Variants in SLC22A3 observed in about 807,000 individuals in gnomAD.
SLC22A3 encodes solute carrier family 22 member 3.
Under a neutral mutation model 59.1 loss-of-function variants are expected in SLC22A3, and 51 were observed. That is an observed-to-expected ratio of 0.86 (90% CI 0.69 to 1.09). The LOEUF is 1.09. Among genes scored for constraint, SLC22A3 ranks in the 50% least tolerant of loss-of-function variants. SLC22A3 has a pLI of 0.00. For missense variants in SLC22A3, 711 were observed against 726.3 expected (o/e 0.98, Z 0.24); for synonymous variants, 325 against 292.0 (o/e 1.11, Z -1.15).
chr6:160,396,751 AT>A (rs1020592686), intron 1 of SLC22A3, among the ~76,000 whole-genome samples: 5 of 152,048 alleles, frequency 3.3e-5, no homozygotes, highest in Admixed American at 6.6e-5. Context: ...ATTACATCTT[AT>A]TTTTTTATCA....
chr6:160,363,700 C>T (rs1367622381), intron 1 of SLC22A3, among the ~76,000 whole-genome samples: 1 of 152,196 alleles, frequency 6.6e-6, no homozygotes, highest in East Asian at 1.9e-4. Flanking sequence ...CAAGCGCCTG[C>T]ATGTCTTGCA....
intron 2 of SLC22A3, among the ~76,000 whole-genome samples, chr6:160,399,578 A>T (rs1471877862): frequency 6.6e-6 from 1 of 152,214 alleles, no homozygotes. Context: ...AAGAGGAGCC[A>T]TGAATAACTC....
At chr6:160,375,905 C>G (rs1282736214) in intron 1 of SLC22A3, among the ~76,000 whole-genome samples, 5 of 152,138 alleles carry the variant, frequency 3.3e-5, no homozygotes, top group African/African-American at 2.4e-5. Flanking sequence ...CTTGGAACCT[C>G]TGACTAGGTT....
chr6:160,374,863 T>C (rs1785532388), intron 1 of SLC22A3, among the ~76,000 whole-genome samples: 1 of 152,174 alleles, frequency 6.6e-6, no homozygotes, highest in African/African-American at 2.4e-5. Flanking sequence ...ATGATGTTTT[T>C]AAAAGAAATG....
intron 5 of SLC22A3, among the ~76,000 whole-genome samples, chr6:160,429,677 G>A (rs898334934): frequency 1.3e-5 from 2 of 152,156 alleles, no homozygotes; most frequent in Admixed American, 6.5e-5. Context: ...GACCAACGCT[G>A]CTGACTTGTG....
intron 1 of SLC22A3, among the ~76,000 whole-genome samples, chr6:160,362,594 ACT>A (rs1785051003): frequency 6.6e-6 from 1 of 151,340 alleles, no homozygotes; most frequent in African/African-American, 2.4e-5. Flanking sequence ...CATGCATTAG[ACT>A]CTCTGGGGAG....
rs532618805 is a variant in SLC22A3 at position 160,355,558 on chromosome 6, G to A, written c.429+6710G>A. Among the ~76,000 whole-genome samples, 10 of 151,506 alleles carry A rather than the reference G, an allele frequency of 6.6e-5. No homozygotes were observed. The South Asian group carries it at 1.0e-3, about 16-fold the overall frequency. On this transcript the variant is annotated intron_variant, in intron 1 of 10. Coordinates refer to ENST00000275300, the MANE Select transcript of SLC22A3 (RefSeq NM_021977.4). ...GGGCAGATCACGAGGTCAGGAGATC[G>A]AGACCATCCTGGCTAACACGGTGAA...
In SLC22A3 at chr6:160,400,594, G is replaced by A. The variant is rs546889357; in HGVS notation, c.533+2512G>A. ...CTAAAGGTCTATTTATAGCAGTTCC[G>A]TTTACCCAGTACACCATGTCCACCT... On this transcript the variant is annotated intron_variant, in intron 2 of 10. Coordinates refer to ENST00000275300, the MANE Select transcript of SLC22A3 (RefSeq NM_021977.4). Among the ~76,000 whole-genome samples the A allele has an allele frequency of 1.1e-4, 17 of 151,872 alleles. No individual in the cohort carries two copies. In the South Asian group the frequency reaches 1.7e-3, roughly 15 times the overall value.
intron 8 of SLC22A3, 48 bp downstream of exon 8, chr6:160,442,917 AGC>A: frequency 7.1e-7 from 1 of 1,411,812 alleles, no homozygotes; most frequent in African/African-American, 1.4e-5. Context: ...TCTGTAGACC[AGC>A]GTTTTAAGTT....
chr6:160,351,412 G>A (rs1413625943), intron 1 of SLC22A3, among the ~76,000 whole-genome samples: 1 of 152,182 alleles, frequency 6.6e-6, no homozygotes, highest in Non-Finnish European at 1.5e-5. Context: ...ACCGCGCCCA[G>A]CCTCTTTTTA....
intron 1 of SLC22A3, among the ~76,000 whole-genome samples, chr6:160,376,371 G>C (rs892286571): frequency 6.6e-6 from 1 of 152,070 alleles, no homozygotes; most frequent in Admixed American, 6.6e-5. Flanking sequence ...GGTGCGGAGA[G>C]GGGTGAGGGG....
intron 1 of SLC22A3, among the ~76,000 whole-genome samples, chr6:160,366,817 C>A (rs1785222464): frequency 6.6e-6 from 1 of 152,160 alleles, no homozygotes; most frequent in South Asian, 2.1e-4. Flanking sequence ...ACCTCCTCAG[C>A]CTGGATTCCA....
intron 3 of SLC22A3, 106 bp downstream of exon 3, chr6:160,407,301 A>G: frequency 8.6e-7 from 1 of 1,169,172 alleles, no homozygotes. Context: ...TTAACAAAGG[A>G]GGTTTCACTG....
At chr6:160,439,720 TTA>T in intron 7 of SLC22A3, among the ~76,000 whole-genome samples, 1 of 152,260 alleles carries the variant, frequency 6.6e-6, no homozygotes, top group African/African-American at 2.4e-5. Context: ...TGAATTGCTC[TTA>T]TTCTAGACAC....
intron 2 of SLC22A3, among the ~76,000 whole-genome samples, chr6:160,404,906 C>T (rs1337984693): frequency 6.8e-6 from 1 of 147,590 alleles, no homozygotes; most frequent in Non-Finnish European, 1.5e-5. Flanking sequence ...AGACCTTACA[C>T]CCTTTAAAAA....
rs543421928 is a variant in SLC22A3 at position 160,436,643 on chromosome 6, T to C, written c.976-137T>C. The C allele has an allele frequency of 1.1e-5, 7 of 653,730 alleles. No individual in the cohort carries two copies. In the African/African-American group the frequency reaches 1.3e-4, roughly 12 times the overall value. 40.5% of individuals were successfully genotyped at this position (653,730 alleles called of 1,614,324 possible). A position where few individuals can be genotyped will look rare whatever the true frequency, so the allele number is the denominator to read the frequency against. ...AAATGCAAGAGCAGAAGTGTTTTAATTGTCAGGTTTTAAGATATTATGAAA... is the reference window on the plus strand; with the variant it reads ...AAATGCAAGAGCAGAAGTGTTTTAACTGTCAGGTTTTAAGATATTATGAAA... On this transcript the variant is annotated intron_variant, in intron 5 of 10. Coordinates refer to ENST00000275300, the MANE Select transcript of SLC22A3 (RefSeq NM_021977.4).
chr6:160,395,309 A>G lies in SLC22A3; in HGVS notation c.430-2670A>G, dbSNP rs146754700. 1.6e-3 allele frequency among the ~76,000 whole-genome samples: 248 copies of G among 152,358 alleles called. 2 individuals are homozygous for G. In the Middle Eastern group the frequency reaches 0.02, roughly 13 times the overall value. On this transcript the variant is annotated intron_variant, in intron 1 of 10. Coordinates refer to ENST00000275300, the MANE Select transcript of SLC22A3 (RefSeq NM_021977.4). ...ACATAGTTCAAAAGCAGCTGAATAC[A>G]TGTATTAAAAGGCAAGCTCTTGATA...
In SLC22A3 at chr6:160,348,527, C is replaced by G; in HGVS notation, c.108C>G (p.Phe36Leu). 1 of 1,564,992 alleles carries G rather than the reference C, an allele frequency of 6.4e-7. No individual in the cohort carries two copies. Among genetic ancestry groups the G allele is most frequent in the Non-Finnish European group, 8.6e-7 (1 of 1,163,706 alleles). ...CLTGVTFAFLFVGVVFLGTQP... is the reference protein window; with the variant it reads ...CLTGVTFAFLLVGVVFLGTQP... Reference sequence around the variant, plus strand: ...CGGGCGTCACCTTCGCCTTCCTCTTCGTCGGCGTGGTCTTCCTGGGCACGC... The same window carrying G: ...CGGGCGTCACCTTCGCCTTCCTCTTGGTCGGCGTGGTCTTCCTGGGCACGC... Residue 36 changes from phenylalanine (F) to leucine (L), a missense_variant, in exon 1 of 11, where the codon TTC (phenylalanine) becomes TTG (leucine). Physicochemically the swap from Phe to Leu is conservative, Grantham distance 22. Coordinates refer to ENST00000275300, the MANE Select transcript of SLC22A3 (RefSeq NM_021977.4).
At chr6:160,442,374 A>C (rs532140001) in intron 7 of SLC22A3, among the ~76,000 whole-genome samples, 1 of 152,308 alleles carries the variant, frequency 6.6e-6, no homozygotes, top group East Asian at 1.9e-4. Context: ...ACAGCTGGGC[A>C]CCAGCTGTGG....
Sources: allele counts gnomAD v4.1 joint callset (sites outside exome capture counted in the v4.1 genomes callset), GRCh38; gene constraint gnomAD v4.1.1; transcripts MANE v1.5; gene names NCBI Gene and HGNC (gene_info 2026-07-23, HGNC 2026-07-21).